ADGRL2: variants seen among roughly 807,000 people sequenced by gnomAD.
ADGRL2 encodes the protein adhesion G protein-coupled receptor L2, also known as calcium-independent alpha-latrotoxin receptor 2.
In ADGRL2, 44 loss-of-function variants were observed where a neutral mutation model predicts 157.4. The ratio of observed to expected loss-of-function variants is 0.28; its 90% confidence interval spans 0.22 to 0.36. ADGRL2 has a LOEUF of 0.36. Among genes scored for constraint, ADGRL2 ranks in the 10% least tolerant of loss-of-function variants. The pLI is 1.00. For missense variants in ADGRL2, 1,510 were observed against 1,768.9 expected, an observed-to-expected ratio of 0.85 and a Z score of 2.63; for synonymous variants, 585 against 624.7, an observed-to-expected ratio of 0.94 and a Z score of 0.95.
chr1:81,943,731 G>A lies in ADGRL2; in HGVS notation c.1172G>A (p.Arg391Gln), dbSNP rs764875953. 17 of 1,613,286 alleles carry A rather than the reference G, an allele frequency of 1.1e-5. No individual in the cohort carries two copies. Among genetic ancestry groups the A allele is most frequent in the African/African-American group, 5.3e-5 (4 of 74,876 alleles). ...LYVWNNNFILRYSLEFGPPDP... is the reference protein window; with the variant it reads ...LYVWNNNFILQYSLEFGPPDP... ...GTGTGGAACAATAACTTCATTTTACGATATTCTCTGGAGTTTGGTCCACCT... is the reference window on the plus strand; with the variant it reads ...GTGTGGAACAATAACTTCATTTTACAATATTCTCTGGAGTTTGGTCCACCT... Residue 391 changes from arginine to glutamine, a missense_variant, in exon 6 of 24, where the codon CGA (arginine) becomes CAA (glutamine). Transcript: ENST00000686636. The surrounding 1 kb of genome is among the most constrained non-coding windows in gnomAD (Gnocchi z 5.6).
chr1:81,850,812 G>A (rs1015726594), intron 2 of ADGRL2, among the ~76,000 whole-genome samples: 1 of 139,652 alleles, frequency 7.2e-6, no homozygotes, highest in Non-Finnish European at 1.6e-5. Context: ...TTCCTGTAAG[G>A]CTTTGTTGTT....
At chr1:81,578,590 A>G (rs970611190) in intron 2 of ADGRL2, among the ~76,000 whole-genome samples, 3 of 152,128 alleles carry the variant, frequency 2.0e-5, no homozygotes, top group Admixed American at 1.3e-4. Context: ...TAGAATATCT[A>G]TTAAGGTAAT....
At chr1:81,432,776 G>A (rs1453263416) in intron 1 of ADGRL2, among the ~76,000 whole-genome samples, 1 of 152,140 alleles carries the variant, frequency 6.6e-6, no homozygotes, top group Non-Finnish European at 1.5e-5. Context: ...ATAATCATCT[G>A]ACAGGAAAGT....
At chr1:81,368,022 G>A (rs771596380) in intron 1 of ADGRL2, among the ~76,000 whole-genome samples, 13 of 152,124 alleles carry the variant, frequency 8.5e-5, no homozygotes, top group Non-Finnish European at 1.5e-4. Context: ...GAATGATTTC[G>A]ATTCCTTTGG....
At chr1:81,663,814 T>C (rs994443443) in intron 3 of ADGRL2, among the ~76,000 whole-genome samples, 22 of 152,212 alleles carry the variant, frequency 1.4e-4, no homozygotes, top group Non-Finnish European at 2.5e-4. Flanking sequence ...GAAGAGAATA[T>C]GACCTTTAAG....
chr1:81,413,846 ACC>A (rs1366707185), intron 1 of ADGRL2, among the ~76,000 whole-genome samples: 1 of 152,132 alleles, frequency 6.6e-6, no homozygotes, highest in Non-Finnish European at 1.5e-5. Context: ...ATATATATTT[ACC>A]CTCTGACACT....
chr1:81,905,576 G>A (rs775405796), intron 2 of ADGRL2, among the ~76,000 whole-genome samples: 3 of 152,178 alleles, frequency 2.0e-5, no homozygotes, highest in East Asian at 1.9e-4. Context: ...TAAAGGGCTT[G>A]GGTTTTAAAA....
intron 2 of ADGRL2, among the ~76,000 whole-genome samples, chr1:81,883,476 A>G (rs768250507): frequency 6.6e-6 from 1 of 152,112 alleles, no homozygotes; most frequent in African/African-American, 2.4e-5. Context: ...TTTCCAAGAC[A>G]CTTTGTAGTT....
rs200477492 is a variant in ADGRL2, at chr1:81,403,799, A to ATTTTT, written c.-301-41225_-301-41221dup. On this transcript the variant is annotated intron_variant, in intron 1 of 24. Coordinates refer to the ADGRL2 transcript ENST00000370721. ...GTAGTCAGTAAAGCCAATGTCTTTGATTTTTTTTTTTTTTTTGAGACAGAA... is the reference window on the plus strand; with the variant it reads ...GTAGTCAGTAAAGCCAATGTCTTTGATTTTTTTTTTTTTTTTTTTTTGAGACAGAA... 2.1e-3 allele frequency among the ~76,000 whole-genome samples: 299 copies of ATTTTT among 139,252 alleles called. 4 individuals carry two copies. The highest frequency in any genetic ancestry group is 4.8e-3 in the African/African-American group (181 of 37,454). The allele number at this position is 139,252 out of a possible 152,430, so 91.4% of individuals were successfully genotyped here. A position where few individuals can be genotyped will look rare whatever the true frequency, so the allele number is the denominator to read the frequency against.
upstream of ADGRL2, among the ~76,000 whole-genome samples, chr1:81,797,020 T>C (rs72941155): frequency 0.29 from 44,415 of 152,096 alleles, 7,147 homozygotes; most frequent in Middle Eastern, 0.49. Context: ...AAGGCAAAAA[T>C]TGAAAACAAA....
intron 3 of ADGRL2, among the ~76,000 whole-genome samples, chr1:81,589,462 A>G (rs2081089782): frequency 6.6e-6 from 1 of 152,174 alleles, no homozygotes; most frequent in Non-Finnish European, 1.5e-5. Flanking sequence ...CACATTTGCC[A>G]GAACAATAAC....
chr1:81,920,682 C>G (rs1001442178), intron 3 of ADGRL2, among the ~76,000 whole-genome samples: 20 of 152,084 alleles, frequency 1.3e-4, no homozygotes, highest in African/African-American at 4.3e-4. Context: ...TGGAGTTCGC[C>G]TTCTCACTCT....
chr1:81,642,255 A>G (rs2082234405), intron 3 of ADGRL2, among the ~76,000 whole-genome samples: 1 of 150,060 alleles, frequency 6.7e-6, no homozygotes, highest in Non-Finnish European at 1.5e-5. Flanking sequence ...CTCCAAAAAA[A>G]AAAAAAAAAA....
intron 1 of ADGRL2, among the ~76,000 whole-genome samples, chr1:81,316,937 G>A (rs147946743): frequency 1.4e-3 from 215 of 152,276 alleles, no homozygotes; most frequent in African/African-American, 4.9e-3. Flanking sequence ...TTGGGAAAGC[G>A]CAAATGGAAT....
At chr1:81,807,726 T>G (rs1267696386) in intron 1 of ADGRL2, among the ~76,000 whole-genome samples, 1 of 151,842 alleles carries the variant, frequency 6.6e-6, no homozygotes, top group Non-Finnish European at 1.5e-5. Context: ...AGTATATAGG[T>G]TTTGTTAAGC....
At chr1:81,747,121 G>GTATATATGTATATATGTATACA (rs1557616213) in intron 1 of ADGRL2, among the ~76,000 whole-genome samples, 10 of 125,510 alleles carry the variant, frequency 8.0e-5, no homozygotes, top group Non-Finnish European at 1.2e-4. Flanking sequence ...GTATATATGT[G>GTATATATGTATATATGTATACA]TATATATGTA....
At chr1:81,736,391 T>C (rs1159513812) in intron 1 of ADGRL2, among the ~76,000 whole-genome samples, 1 of 152,180 alleles carries the variant, frequency 6.6e-6, no homozygotes, top group African/African-American at 2.4e-5. Flanking sequence ...TGCACCAGCA[T>C]CATCCCGTAT....
chr1:81,436,967 T>A (rs1037311658), intron 1 of ADGRL2, among the ~76,000 whole-genome samples: 1 of 152,250 alleles, frequency 6.6e-6, no homozygotes, highest in Non-Finnish European at 1.5e-5. Context: ...TTCCACTCCT[T>A]ACGATAGTAA....
intron 2 of ADGRL2, among the ~76,000 whole-genome samples, chr1:81,888,398 TTG>T (rs1379145410): frequency 1.6e-4 from 24 of 152,166 alleles, no homozygotes; most frequent in African/African-American, 5.8e-4. Flanking sequence ...TAGGAAAACC[TTG>T]TTTTATTGAG....
Sources: allele counts gnomAD v4.1 joint callset (sites outside exome capture counted in the v4.1 genomes callset), GRCh38; gene constraint gnomAD v4.1.1; non-coding constraint Gnocchi (gnomAD v3.1); transcripts MANE v1.5; gene names NCBI Gene and HGNC (gene_info 2026-07-23, HGNC 2026-07-21).